Variants in SMAD2 observed in about 807,000 individuals in gnomAD.
The protein encoded by SMAD2 is MAD homolog 2.
In SMAD2, 8 loss-of-function variants were observed where a neutral mutation model predicts 64.4. The ratio of observed to expected loss-of-function variants is 0.12; its 90% CI spans 0.07 to 0.22. SMAD2 has a LOEUF of 0.22. Among genes scored for constraint, SMAD2 ranks in the 10% least tolerant of loss-of-function variants. The pLI, the probability that SMAD2 is intolerant of heterozygous loss-of-function variation, is 1.00. For synonymous variants in SMAD2, 203 were observed against 195.8 expected (o/e 1.04, Z -0.31); for missense variants, 289 against 561.2 (o/e 0.51, Z 4.90).
intron 1 of SMAD2, among the ~76,000 whole-genome samples, chr18:47,917,164 C>T (rs2034371983): frequency 6.6e-6 from 1 of 152,194 alleles, no homozygotes; most frequent in Admixed American, 6.5e-5. Flanking sequence ...TTGTTGGGTG[C>T]TTGCTAATTG....
chr18:47,916,406 A>AT (rs1400689788), intron 1 of SMAD2, among the ~76,000 whole-genome samples: 8 of 151,212 alleles, frequency 5.3e-5, no homozygotes, highest in South Asian at 2.1e-4. Context: ...ATATTTATTT[A>AT]TTTATTTTGT....
At chr18:47,896,407 G>A (rs1422887831) in intron 2 of SMAD2, 114 bp downstream of exon 2, 1 of 1,056,226 alleles carries the variant, frequency 9.5e-7, no homozygotes, top group Non-Finnish European at 1.4e-6. Context: ...GTTAAAAACA[G>A]TCATATTTCA....
intron 2 of SMAD2, among the ~76,000 whole-genome samples, chr18:47,893,409 G>T (rs1435373631): frequency 1.3e-5 from 2 of 152,174 alleles, no homozygotes; most frequent in Non-Finnish European, 2.9e-5. Context: ...GAAAACATTT[G>T]CCATTTCTTA....
At chr18:47,874,737 TAA>T (rs1337801348) in intron 2 of SMAD2, among the ~76,000 whole-genome samples, 18 of 152,098 alleles carry the variant, frequency 1.2e-4, no homozygotes, top group Admixed American at 1.2e-3. Context: ...AATATATGCA[TAA>T]AGACACACAT....
chr18:47,846,772 T>A (rs913676907), intron 8 of SMAD2, among the ~76,000 whole-genome samples: 1 of 152,110 alleles, frequency 6.6e-6, no homozygotes, highest in Non-Finnish European at 1.5e-5. Flanking sequence ...TGTTAAACCC[T>A]GAAAAGACCG....
chr18:47,875,237 T>C (rs751863123), intron 2 of SMAD2, among the ~76,000 whole-genome samples: 8 of 152,152 alleles, frequency 5.3e-5, no homozygotes, highest in Non-Finnish European at 1.0e-4. Context: ...ATTTTTAAGA[T>C]GCCTTTGGTA....
intron 2 of SMAD2, among the ~76,000 whole-genome samples, chr18:47,885,195 C>CCCCCAAGA (rs2032834717): frequency 6.7e-6 from 1 of 149,324 alleles, no homozygotes; most frequent in Non-Finnish European, 1.5e-5. Flanking sequence ...ATACCCTCCC[C>CCCCCAAGA]CCCCAAGACA....
rs1033304042 is a variant in SMAD2 at position 47,826,282 on chromosome 18, T to TAACC, written c.*15541_*15544dup. 6.6e-6 allele frequency: 1 copy of TAACC among 152,276 alleles called. No homozygotes were observed. The highest frequency in any genetic ancestry group is 1.5e-5 in the Non-Finnish European group (1 of 68,054). 9.4% of individuals were successfully genotyped at this position (152,276 alleles called of 1,614,324 possible). A position where few individuals can be genotyped will look rare whatever the true frequency, so the allele number is the denominator to read the frequency against. ...ATTGTTTGCTGGCAAACCAGTACAG[T>TAACC]AACCTGTTAAATACAAAGCAAGGGT... is the stretch of plus-strand genomic sequence containing the variant. On this transcript the variant is annotated 3_prime_UTR_variant, in exon 11 of 11. Coordinates refer to ENST00000262160, the MANE Select transcript of SMAD2 (RefSeq NM_005901.6).
intron 6 of SMAD2, among the ~76,000 whole-genome samples, chr18:47,855,555 A>T (rs2030598856): frequency 6.6e-6 from 1 of 151,998 alleles, no homozygotes; most frequent in Admixed American, 6.6e-5. Context: ...TTGTCTGAAA[A>T]ATTTTTTATT....
Position 47,841,857 on chromosome 18 carries a change from G to C in SMAD2, c.1374C>G (p.Ser458=). ...WLDKVLTQMG[S]PSVRCSSMS ...ACATGCTTGAGCAACGCACTGAAGGGGATCCCATCTGAGTTAATACTTTGT... is the reference window on the plus strand; with the variant it reads ...ACATGCTTGAGCAACGCACTGAAGGCGATCCCATCTGAGTTAATACTTTGT... The change falls in exon 11 of 11, where the codon TCC becomes TCG. Residue 458 remains serine (S), a synonymous_variant. Coordinates refer to ENST00000262160, the MANE Select transcript of SMAD2 (RefSeq NM_005901.6). The C allele has an allele frequency of 1.2e-6, 2 of 1,614,088 alleles. No homozygotes were observed. The highest frequency in any genetic ancestry group is 1.7e-6 in the Non-Finnish European group (2 of 1,179,994).
chr18:47,862,798 G>GATTATATATAATATAC (rs1555649798), intron 6 of SMAD2, among the ~76,000 whole-genome samples: 1 of 152,084 alleles, frequency 6.6e-6, no homozygotes, highest in Non-Finnish European at 1.5e-5. Context: ...CACATCTTAT[G>GATTATATATAATATAC]ATCTATTATA....
At chr18:47,899,389 C>G (rs1368521676) in intron 1 of SMAD2, among the ~76,000 whole-genome samples, 3 of 113,716 alleles carry the variant, frequency 2.6e-5, no homozygotes, top group Non-Finnish European at 5.5e-5. Flanking sequence ...CAGAAAGCGC[C>G]AAGTTCAGTG....
intron 2 of SMAD2, among the ~76,000 whole-genome samples, chr18:47,877,405 A>G (rs2144405324): frequency 6.6e-6 from 1 of 152,254 alleles, no homozygotes; most frequent in African/African-American, 2.4e-5. Flanking sequence ...TCATTTTTAT[A>G]TGTGACTTAA....
rs1598726614 is a variant in SMAD2 at position 47,829,930 on chromosome 18, T to A, written c.*11897A>T. ...GTGGTTTTCATTTTAGAATTAAAAATTTGAATTTCCCTTTGCCTACAAGTC... is the reference window on the plus strand; with the variant it reads ...GTGGTTTTCATTTTAGAATTAAAAAATTGAATTTCCCTTTGCCTACAAGTC... On this transcript the variant is annotated 3_prime_UTR_variant, in exon 11 of 11. Transcript: ENST00000262160. 1 of 152,326 alleles carries A rather than the reference T, an allele frequency of 6.6e-6. No individual in the cohort carries two copies. Among genetic ancestry groups the A allele is most frequent in the Non-Finnish European group, 1.5e-5 (1 of 68,024 alleles). The allele number at this position is 152,326 out of a possible 1,614,324, so 9.4% of individuals were successfully genotyped here. A position where few individuals can be genotyped will look rare whatever the true frequency, so the allele number is the denominator to read the frequency against.
At chr18:47,895,573 A>G (rs904663630) in intron 2 of SMAD2, 2 of 152,244 alleles carry the variant, frequency 1.3e-5, no homozygotes, top group African/African-American at 4.8e-5. Context: ...ACACTCAATA[A>G]GCATTTGTAA....
rs922610273 is a variant in SMAD2, at chr18:47,819,890, C to G, written c.*21937G>C. 1 of 151,128 alleles carries G rather than the reference C, an allele frequency of 6.6e-6. No homozygotes were observed. Among genetic ancestry groups the G allele is most frequent in the African/African-American group, 2.4e-5 (1 of 41,074 alleles). The allele number at this position is 151,128 out of a possible 1,614,324, so 9.4% of individuals were successfully genotyped here. A position where few individuals can be genotyped will look rare whatever the true frequency, so the allele number is the denominator to read the frequency against. ...TGCAGGTATGCATCTATAGTTCCAG[C>G]TACTCAGGAAACGGAGGCAGGAGGA... On this transcript the variant is annotated 3_prime_UTR_variant, in exon 11 of 11. Transcript: ENST00000262160.
chr18:47,884,870 C>T (rs2032800023), intron 2 of SMAD2, among the ~76,000 whole-genome samples: 2 of 152,190 alleles, frequency 1.3e-5, no homozygotes, highest in East Asian at 3.9e-4. Context: ...TCCACCTCCA[C>T]CTCCAAATGC....
intron 1 of SMAD2, 143 bp from the exon 2 acceptor site, chr18:47,896,952 G>GTT: frequency 1.4e-6 from 1 of 721,076 alleles, no homozygotes; most frequent in Non-Finnish European, 2.3e-6. Flanking sequence ...CCATGAAAAC[G>GTT]TTATCTTTAT....
intron 1 of SMAD2, among the ~76,000 whole-genome samples, chr18:47,898,207 AT>A (rs1408792381): frequency 1.3e-5 from 2 of 152,212 alleles, no homozygotes; most frequent in Non-Finnish European, 2.9e-5. Context: ...AATTGTTATC[AT>A]TCCACATTGC....
Sources: gnomAD v4.1 joint callset for allele counts (sites outside exome capture counted in the v4.1 genomes callset) on GRCh38, gnomAD v4.1.1 for gene constraint, MANE v1.5 for transcripts, NCBI Gene and HGNC (gene_info 2026-07-23, HGNC 2026-07-21) for gene names.